GALNT17: variants seen among roughly 807,000 people sequenced by gnomAD.
GALNT17 encodes the protein polypeptide N-acetylgalactosaminyltransferase 17.
A neutral mutation model predicts 63.7 loss-of-function variants in GALNT17; 29 were observed. That is an observed-to-expected ratio of 0.46 (90% CI 0.34 to 0.62). The LOEUF is 0.62. GALNT17 is among the 20% of genes least tolerant of loss of function. The pLI is 0.01. For synonymous variants in GALNT17, 305 were observed against 318.3 expected, an observed-to-expected ratio of 0.96 and a Z score of 0.45; for missense variants, 603 against 799.6, an observed-to-expected ratio of 0.75 and a Z score of 2.97.
At chr7:71,503,288 T>C (rs1401777578) in intron 5 of GALNT17, among the ~76,000 whole-genome samples, 1 of 152,196 alleles carries the variant, frequency 6.6e-6, no homozygotes, top group East Asian at 1.9e-4. Flanking sequence ...TCACCCAGGC[T>C]GGAGTGCAGT....
intron 6 of GALNT17, among the ~76,000 whole-genome samples, chr7:71,645,113 T>C (rs1402573171): frequency 6.6e-6 from 1 of 152,220 alleles, no homozygotes; most frequent in African/African-American, 2.4e-5. Context: ...CACATCTGTC[T>C]GCAGAAAAGG....
chr7:71,440,849 C>T (rs1036834442), intron 5 of GALNT17, among the ~76,000 whole-genome samples: 1 of 152,142 alleles, frequency 6.6e-6, no homozygotes, highest in Non-Finnish European at 1.5e-5. Context: ...GAGTTTTCAT[C>T]CTCCGAGGTG....
At chr7:71,249,348 C>T (rs1790156660) in intron 1 of GALNT17, among the ~76,000 whole-genome samples, 1 of 152,088 alleles carries the variant, frequency 6.6e-6, no homozygotes, top group Admixed American at 6.5e-5. Flanking sequence ...AGTGGTCCCC[C>T]CATTTTACAG....
At chr7:71,143,286 G>A (rs1384942177) in intron 1 of GALNT17, among the ~76,000 whole-genome samples, 1 of 151,810 alleles carries the variant, frequency 6.6e-6, no homozygotes, top group East Asian at 1.9e-4. Context: ...GCCGGGTGTG[G>A]TGGCGGGCAC....
chr7:71,711,272 A>T (rs940757190), intron 10 of GALNT17, among the ~76,000 whole-genome samples: 7 of 151,082 alleles, frequency 4.6e-5, no homozygotes, highest in Admixed American at 2.6e-4. Context: ...CAACATCCTG[A>T]CCCCCTCCTG....
rs576160629 is a variant in GALNT17 at position 71,193,880 on chromosome 7, G to A, written c.238+60840G>A. 3.3e-5 allele frequency among the ~76,000 whole-genome samples: 5 copies of A among 152,216 alleles called. No individual in the cohort carries two copies. The East Asian group carries it at 5.8e-4, about 18-fold the overall frequency. The stretch of plus-strand genomic sequence containing the variant: ...TTGTGGTCCACGTGCAGTTAAAAAC[G>A]GGAATGATGTTTTACTCTCTTTCGG... On this transcript the variant is annotated intron_variant, in intron 1 of 10. Coordinates refer to ENST00000333538, the MANE Select transcript of GALNT17 (RefSeq NM_022479.3).
chr7:71,208,344 C>T (rs1284670189), intron 1 of GALNT17, among the ~76,000 whole-genome samples: 5 of 152,046 alleles, frequency 3.3e-5, no homozygotes, highest in African/African-American at 1.2e-4. Flanking sequence ...TCACAGATTA[C>T]TGTAACCAAA....
At chr7:71,649,480 T>A (rs1247908488) in intron 6 of GALNT17, among the ~76,000 whole-genome samples, 1 of 152,126 alleles carries the variant, frequency 6.6e-6, no homozygotes, top group African/African-American at 2.4e-5. Context: ...AGTGTGGGGA[T>A]TCCTGACTGG....
At chr7:71,654,831 C>T (rs1366388662) in intron 6 of GALNT17, among the ~76,000 whole-genome samples, 6 of 152,004 alleles carry the variant, frequency 3.9e-5, no homozygotes, top group Non-Finnish European at 8.8e-5. Flanking sequence ...GCTTGTCGCC[C>T]AGACTAGAAA....
chr7:71,440,286 C>T (rs1204257543), intron 5 of GALNT17, among the ~76,000 whole-genome samples: 1 of 151,972 alleles, frequency 6.6e-6, no homozygotes, highest in Non-Finnish European at 1.5e-5. Flanking sequence ...AAATTCAGTT[C>T]AGGGCAGAAA....
At position 71,711,579 on chromosome 7, in the gene GALNT17, CTCT is replaced by C. The variant is rs935516902; in HGVS notation, c.1669-435_1669-433del. Among the ~76,000 whole-genome samples the C allele has an allele frequency of 1.5e-4, 22 of 151,358 alleles. No homozygotes were observed. The East Asian group carries it at 2.8e-3, about 19-fold the overall frequency. ...TGCCTCTCTCTCCCTTTCTCTCTTT[CTCT>C]TCTCTGTCTTGTCTCTCCTCTATCT... is the stretch of plus-strand genomic sequence containing the variant. On this transcript the variant is annotated intron_variant, in intron 10 of 10. Transcript: ENST00000333538.
At chr7:71,281,488 C>T (rs1790775982) in intron 1 of GALNT17, among the ~76,000 whole-genome samples, 1 of 152,234 alleles carries the variant, frequency 6.6e-6, no homozygotes, top group Non-Finnish European at 1.5e-5. Context: ...ACGGCTGCTG[C>T]ATCTTTCACT....
chr7:71,504,252 G>A (rs879360800), intron 5 of GALNT17, among the ~76,000 whole-genome samples: 10 of 151,792 alleles, frequency 6.6e-5, no homozygotes, highest in Non-Finnish European at 1.5e-4. Context: ...AATTAGCTGG[G>A]CTTGGTGGCA....
intron 5 of GALNT17, among the ~76,000 whole-genome samples, chr7:71,447,694 G>T (rs1437848958): frequency 6.6e-6 from 1 of 152,072 alleles, no homozygotes; most frequent in East Asian, 1.9e-4. Flanking sequence ...GTATACTTTG[G>T]TTATTTTTCC....
chr7:71,614,257 A>G (rs1790165823), intron 6 of GALNT17, among the ~76,000 whole-genome samples: 1 of 150,408 alleles, frequency 6.6e-6, no homozygotes, highest in South Asian at 2.1e-4. Context: ...CTGAAATCCA[A>G]AATGCTCCAA....
At chr7:71,487,212 G>A (rs147966207) in intron 5 of GALNT17, among the ~76,000 whole-genome samples, 20 of 152,282 alleles carry the variant, frequency 1.3e-4, no homozygotes, top group African/African-American at 4.6e-4. Flanking sequence ...AGAGCTTGCT[G>A]CCAGGGATGG....
chr7:71,407,178 G>A (rs945260552), intron 3 of GALNT17, among the ~76,000 whole-genome samples: 3 of 152,118 alleles, frequency 2.0e-5, no homozygotes, highest in African/African-American at 7.2e-5. Flanking sequence ...GAAGAGCTCA[G>A]GAACTCAAGT....
intron 1 of GALNT17, among the ~76,000 whole-genome samples, chr7:71,153,235 G>A (rs971932687): frequency 1.3e-5 from 2 of 152,176 alleles, no homozygotes; most frequent in African/African-American, 2.4e-5. Flanking sequence ...TACTCATCTG[G>A]AAAACAGTAG....
At chr7:71,516,905 G>A (rs1254122730) in intron 5 of GALNT17, among the ~76,000 whole-genome samples, 1 of 152,128 alleles carries the variant, frequency 6.6e-6, no homozygotes, top group Non-Finnish European at 1.5e-5. Context: ...CCAGGGTCAT[G>A]CTTGGTTTCT....
Sources: allele counts gnomAD v4.1 joint callset (sites outside exome capture counted in the v4.1 genomes callset), GRCh38; gene constraint gnomAD v4.1.1; transcripts MANE v1.5; gene names NCBI Gene and HGNC (gene_info 2026-07-23, HGNC 2026-07-21).